Variants in RPTOR observed in about 807,000 individuals in gnomAD.
The protein encoded by RPTOR is regulatory associated protein of MTOR complex 1.
In RPTOR, 21 loss-of-function variants were observed where a neutral mutation model predicts 169.9. The observed-to-expected ratio is 0.12, with a 90% CI of 0.09 to 0.18. RPTOR has a LOEUF of 0.18. Ranked by LOEUF, RPTOR falls within the 10% of genes least tolerant of loss-of-function variation. The pLI, the probability that RPTOR is intolerant of heterozygous loss-of-function variation, is 1.00. For synonymous variants in RPTOR, 732 were observed against 753.2 expected (o/e 0.97, Z 0.46); for missense variants, 1,133 against 1,855.9 (o/e 0.61, Z 7.16).
At chr17:80,852,034 T>G (rs1206120967) in intron 11 of RPTOR, among the ~76,000 whole-genome samples, 1 of 152,174 alleles carries the variant, frequency 6.6e-6, no homozygotes, top group Non-Finnish European at 1.5e-5. Context: ...ATCTAGAAAC[T>G]TGAGCCTCAG....
intron 1 of RPTOR, among the ~76,000 whole-genome samples, chr17:80,550,567 G>C (rs1214719762): frequency 6.6e-6 from 1 of 152,194 alleles, no homozygotes; most frequent in African/African-American, 2.4e-5. Flanking sequence ...TTCTGTCTCA[G>C]ATGCCTACTG....
At chr17:80,848,089 A>G (rs912576491) in intron 11 of RPTOR, among the ~76,000 whole-genome samples, 12 of 152,328 alleles carry the variant, frequency 7.9e-5, no homozygotes, top group African/African-American at 1.9e-4. Context: ...AACAGTGCAC[A>G]TGGACGTGCT....
Position 80,908,940 on chromosome 17 carries a change from G to GT in RPTOR, c.2520+11_2520+12insT. 6.3e-7 allele frequency: 1 copy of GT among 1,591,946 alleles called. No individual in the cohort carries two copies. ...AGCATCGCCTACAAGGTACGTGCCG[G>GT]GCGCTCCCCACCGCGCTCCAGCTGC... On this transcript the variant is annotated intron_variant, in intron 21 of 33. Transcript: ENST00000306801.
intron 9 of RPTOR, among the ~76,000 whole-genome samples, chr17:80,834,461 G>T (rs140815019): frequency 1.3e-5 from 2 of 152,124 alleles, no homozygotes; most frequent in Non-Finnish European, 2.9e-5. Flanking sequence ...TGTCATCCCC[G>T]CAGCCTCCTG....
intron 10 of RPTOR, among the ~76,000 whole-genome samples, chr17:80,839,065 C>G (rs764593179): frequency 6.6e-6 from 1 of 152,238 alleles, no homozygotes; most frequent in Non-Finnish European, 1.5e-5. Flanking sequence ...ACTGCACAGA[C>G]TTTTAACTTT....
intron 3 of RPTOR, among the ~76,000 whole-genome samples, chr17:80,697,387 A>T (rs1172224235): frequency 6.6e-6 from 1 of 152,174 alleles, no homozygotes; most frequent in Non-Finnish European, 1.5e-5. Context: ...TTTATCCAGG[A>T]CCTGCCGTCT....
At position 80,855,518 on chromosome 17, in the gene RPTOR, T is replaced by C. The variant is rs778816552; in HGVS notation, c.1369T>C (p.Leu457=). The C allele has an allele frequency of 1.9e-6, 3 of 1,614,132 alleles. No individual in the cohort carries two copies. The South Asian group carries it at 3.3e-5, about 18-fold the overall frequency. ...AGCATTGGACTTGCTTGGAAGATTT[T>C]TGGACCTGGGTCCCTGGGCAGTGAG... ...LRALDLLGRF[L]DLGPWAVSLA... The change falls in exon 12 of 34, where the codon TTG becomes CTG. Residue 457 remains leucine, a synonymous_variant. Transcript: ENST00000306801.
At chr17:80,783,867 C>T (rs972621411) in intron 6 of RPTOR, among the ~76,000 whole-genome samples, 1 of 152,250 alleles carries the variant, frequency 6.6e-6, no homozygotes, top group Admixed American at 6.5e-5. Context: ...GCTTACCGGC[C>T]TAGAAGCTCC....
At chr17:80,738,530 C>CAGCGATCT (rs71163995) in intron 5 of RPTOR, among the ~76,000 whole-genome samples, 11 of 151,786 alleles carry the variant, frequency 7.2e-5, no homozygotes, top group African/African-American at 2.2e-4. Context: ...TTCACAGACA[C>CAGCGATCT]GTGTCATTAG....
At chr17:80,837,143 C>T (rs1381213789) in intron 9 of RPTOR, among the ~76,000 whole-genome samples, 1 of 152,046 alleles carries the variant, frequency 6.6e-6, no homozygotes, top group Non-Finnish European at 1.5e-5. Context: ...AGGGGGAGAA[C>T]TCAAGAGGGA....
At chr17:80,626,389 G>A (rs987124068) in intron 2 of RPTOR, among the ~76,000 whole-genome samples, 3 of 151,290 alleles carry the variant, frequency 2.0e-5, no homozygotes, top group Non-Finnish European at 2.9e-5. Context: ...GTTCTGTCTG[G>A]CACACATAGT....
Position 80,718,857 on chromosome 17 carries a change from G to A in RPTOR, c.507+10858G>A, listed in dbSNP as rs147318027. Among the ~76,000 whole-genome samples, 1,227 of 152,316 alleles carry A rather than the reference G, an allele frequency of 8.1e-3. 19 individuals are homozygous for A. The highest frequency in any genetic ancestry group is 0.027 in the African/African-American group (1,130 of 41,550). On this transcript the variant is annotated intron_variant, in intron 4 of 33. Transcript: ENST00000306801. ...GGCTTAGATAAATCCTTTTGATGCCGTGTGAAGCCTGGCTCTGGGGAGAAA... is the reference window on the plus strand; with the variant it reads ...GGCTTAGATAAATCCTTTTGATGCCATGTGAAGCCTGGCTCTGGGGAGAAA...
chr17:80,789,307 TC>T (rs2067024221), intron 6 of RPTOR, among the ~76,000 whole-genome samples: 1 of 152,188 alleles, frequency 6.6e-6, no homozygotes, highest in African/African-American at 2.4e-5. Flanking sequence ...ATTACACTGA[TC>T]TTGTAGAGGC....
intron 10 of RPTOR, among the ~76,000 whole-genome samples, chr17:80,839,015 G>C (rs2067597277): frequency 1.3e-5 from 2 of 152,260 alleles, no homozygotes; most frequent in African/African-American, 4.8e-5. Context: ...CCACCCTCCA[G>C]CCCAGGGCAG....
At chr17:80,597,828 T>A (rs1218053748) in intron 1 of RPTOR, among the ~76,000 whole-genome samples, 1 of 152,062 alleles carries the variant, frequency 6.6e-6, no homozygotes, top group African/African-American at 2.4e-5. Context: ...TTTTTTTGTT[T>A]TTGGTTTTTT....
intron 20 of RPTOR, among the ~76,000 whole-genome samples, chr17:80,902,072 T>TAA (rs1383594287): frequency 6.6e-6 from 1 of 152,122 alleles, no homozygotes; most frequent in Non-Finnish European, 1.5e-5. Flanking sequence ...TCCTGCTTGT[T>TAA]TCTCACTCAG....
chr17:80,862,948 G>C (rs1236281517), intron 13 of RPTOR, among the ~76,000 whole-genome samples: 1 of 152,242 alleles, frequency 6.6e-6, no homozygotes, highest in Non-Finnish European at 1.5e-5. Flanking sequence ...TTAAGAGTTT[G>C]AGAAGGATCG....
Position 80,949,426 on chromosome 17 carries a change from CCT to C in RPTOR, c.3266-11_3266-10del. On this transcript the variant is annotated splice_polypyrimidine_tract_variant and intron_variant, in intron 27 of 33. Coordinates refer to ENST00000306801, the MANE Select transcript of RPTOR (RefSeq NM_020761.3). ...TCGAGGGGCCTGGTTCACATCCTTT[CCT>C]CTCTCCCTCCCCAGACGATGGTGCC... is the stretch of plus-strand genomic sequence containing the variant. 3.1e-6 allele frequency: 5 copies of C among 1,605,540 alleles called. No homozygotes were observed. Among genetic ancestry groups the C allele is most frequent in the Non-Finnish European group, 3.4e-6 (4 of 1,172,174 alleles).
chr17:80,931,236 A>T (rs1041045536), intron 24 of RPTOR, among the ~76,000 whole-genome samples: 2 of 152,172 alleles, frequency 1.3e-5, no homozygotes, highest in African/African-American at 4.8e-5. Context: ...TAAAATTCTG[A>T]CTTTTCCTGA....
Sources: gnomAD v4.1 joint callset for allele counts (sites outside exome capture counted in the v4.1 genomes callset) on GRCh38, gnomAD v4.1.1 for gene constraint, MANE v1.5 for transcripts, NCBI Gene and HGNC (gene_info 2026-07-23, HGNC 2026-07-21) for gene names.